PGBD2: variants seen among roughly 807,000 people sequenced by gnomAD.
The protein encoded by PGBD2 is piggyBac transposable element derived 2.
In PGBD2, 6 loss-of-function variants were observed where a neutral mutation model predicts 8.1. The ratio of observed to expected loss-of-function variants is 0.74; its 90% CI spans 0.40 to 1.46. PGBD2 has a LOEUF of 1.46. PGBD2 is among the 40% of genes most tolerant of loss of function. The pLI, the probability that PGBD2 is intolerant of heterozygous loss-of-function variation, is 0.02. For synonymous variants in PGBD2, 318 were observed against 272.2 expected, an observed-to-expected ratio of 1.17 and a Z score of -1.66; for missense variants, 802 against 739.0, an observed-to-expected ratio of 1.09 and a Z score of -0.99.
chr1:248,896,520 C>T, the PGBD2 span, among the ~76,000 whole-genome samples: 3 of 152,118 alleles, frequency 2.0e-5, no homozygotes, highest in African/African-American at 4.8e-5. Context: ...TCACAGCTCA[C>T]GGCAGCCTCA....
chr1:248,899,555 G>C, the PGBD2 span, among the ~76,000 whole-genome samples: 5 of 152,172 alleles, frequency 3.3e-5, no homozygotes, highest in South Asian at 1.0e-3. Flanking sequence ...AGAACAAAGA[G>C]ACAACACACC....
chr1:248,929,123 A>T, the PGBD2 span, among the ~76,000 whole-genome samples: 1 of 152,144 alleles, frequency 6.6e-6, no homozygotes, highest in Non-Finnish European at 1.5e-5. Flanking sequence ...TATAAGGGAG[A>T]AATGTTTAAA....
intron 1 of PGBD2, among the ~76,000 whole-genome samples, chr1:248,910,750 C>A (rs1351278140): frequency 6.6e-6 from 1 of 152,152 alleles, no homozygotes; most frequent in African/African-American, 2.4e-5. Context: ...ACTGAAAGCC[C>A]ATGGGGACTC....
At chr1:248,882,341 A>T in the PGBD2 span, among the ~76,000 whole-genome samples, 1 of 152,228 alleles carries the variant, frequency 6.6e-6, no homozygotes, top group Non-Finnish European at 1.5e-5. Flanking sequence ...CTGTATGCAG[A>T]AGTACAGTAT....
chr1:248,924,858 C>A (rs1303209787), downstream of PGBD2, among the ~76,000 whole-genome samples: 1 of 152,182 alleles, frequency 6.6e-6, no homozygotes, highest in Non-Finnish European at 1.5e-5. Context: ...GTCTGTTTTT[C>A]TTACCACTCA....
At position 248,916,821 on chromosome 1, in the gene PGBD2, C is replaced by G. The variant is rs771173614; in HGVS notation, c.237C>G (p.Val79=). 3.1e-6 allele frequency: 5 copies of G among 1,614,134 alleles called. No homozygotes were observed. In the South Asian group the frequency reaches 4.4e-5, roughly 14 times the overall value. The change falls in exon 3 of 3, where the codon GTC becomes GTG. Residue 79 remains valine, a synonymous_variant. Coordinates refer to ENST00000329291, the MANE Select transcript of PGBD2 (RefSeq NM_170725.3). The part of the protein sequence containing the change: ...HLPGSVLHAS[V]LCEDSGTGED... ...CTGGCAGTGTGCTGCATGCTTCAGT[C>G]CTGTGTGAGGACTCTGGCACCGGGG...
chr1:248,895,407 G>A, the PGBD2 span, among the ~76,000 whole-genome samples: 1 of 152,156 alleles, frequency 6.6e-6, no homozygotes, highest in Non-Finnish European at 1.5e-5. Context: ...TGAGTAGCAA[G>A]GGTTCTGCTG....
At chr1:248,877,391 G>T in the PGBD2 span, among the ~76,000 whole-genome samples, 1 of 152,190 alleles carries the variant, frequency 6.6e-6, no homozygotes, top group Non-Finnish European at 1.5e-5. Flanking sequence ...TGACCTCTGA[G>T]GCTCAAGTGA....
In PGBD2 at chr1:248,917,145, T is replaced by C. The variant is rs925198325; in HGVS notation, c.561T>C (p.Ile187=). Residue 187 remains isoleucine, a synonymous_variant, in exon 3 of 3, where the codon ATT becomes ATC. Coordinates refer to ENST00000329291, the MANE Select transcript of PGBD2 (RefSeq NM_170725.3). The part of the protein sequence containing the change: ...QELKCVLGIL[I]LSGYISYPRR... Reference sequence around the variant, plus strand: ...TGAAGTGTGTTTTGGGCATTTTGATTTTAAGTGGGTACATCTCTTATCCAA... The same window carrying C: ...TGAAGTGTGTTTTGGGCATTTTGATCTTAAGTGGGTACATCTCTTATCCAA... 17 of 1,613,986 alleles carry C rather than the reference T, an allele frequency of 1.1e-5. No individual in the cohort carries two copies. Among genetic ancestry groups the C allele is most frequent in the Non-Finnish European group, 1.4e-5 (16 of 1,180,030 alleles).
the PGBD2 span, among the ~76,000 whole-genome samples, chr1:248,886,290 C>T: frequency 6.6e-6 from 1 of 152,094 alleles, no homozygotes; most frequent in African/African-American, 2.4e-5. Flanking sequence ...CTTGAGTGTA[C>T]ATTATTCATA....
At chr1:248,876,396 A>G in the PGBD2 span, among the ~76,000 whole-genome samples, 1 of 152,150 alleles carries the variant, frequency 6.6e-6, no homozygotes, top group Non-Finnish European at 1.5e-5. Flanking sequence ...CAGGTTCTCA[A>G]TACTTTAGGT....
intron 1 of PGBD2, among the ~76,000 whole-genome samples, chr1:248,911,624 G>A (rs377081690): frequency 0.016 from 2,381 of 145,958 alleles, 94 homozygotes; most frequent in East Asian, 0.12. Flanking sequence ...TTCTCAATGA[G>A]CTGTTGGGCA....
At chr1:248,889,007 A>G in the PGBD2 span, among the ~76,000 whole-genome samples, 33,074 of 152,138 alleles carry the variant, frequency 0.22, 8,663 homozygotes, top group African/African-American at 0.63. Flanking sequence ...TTTCCCATAA[A>G]CACTGGCTTT....
At chr1:248,908,842 C>A (rs979986416) in intron 1 of PGBD2, among the ~76,000 whole-genome samples, 1 of 152,032 alleles carries the variant, frequency 6.6e-6, no homozygotes, top group African/African-American at 2.4e-5. Flanking sequence ...GTGCCTTTTG[C>A]CTGGGGTGCT....
the PGBD2 span, among the ~76,000 whole-genome samples, chr1:248,873,854 T>G: frequency 6.6e-6 from 1 of 152,140 alleles, no homozygotes; most frequent in African/African-American, 2.4e-5. Context: ...TGCTTCCGAG[T>G]GTCAGGATGG....
At chr1:248,914,292 T>C (rs956470849) in intron 2 of PGBD2, 2 of 609,984 alleles carry the variant, frequency 3.3e-6, no homozygotes, top group Non-Finnish European at 4.1e-6. Flanking sequence ...ACCTGGAGCT[T>C]GCAGCCTTGG....
At chr1:248,922,446 A>G (rs1662305558), downstream of PGBD2, among the ~76,000 whole-genome samples, 1 of 152,102 alleles carries the variant, frequency 6.6e-6, no homozygotes. Context: ...AATACCCTTT[A>G]TTTCTTTCTC....
rs146430689 is a variant in PGBD2, at chr1:248,918,527, G to A, written c.*164G>A. 1.5e-3 allele frequency: 810 copies of A among 525,204 alleles called. 9 individuals are homozygous for A. The highest frequency in any genetic ancestry group is 0.014 in the African/African-American group (717 of 50,910). The allele number at this position is 525,204 out of a possible 1,614,324, so 32.5% of individuals were successfully genotyped here. A position where few individuals can be genotyped will look rare whatever the true frequency, so the allele number is the denominator to read the frequency against. On this transcript the variant is annotated 3_prime_UTR_variant, in exon 3 of 3. Transcript: ENST00000329291. ...ATACAGTTATCTTTTTTATTGTGTT[G>A]TGTTATGCCTACATGTGATATAAAT...
chr1:248,915,292 A>T (rs1036978242), intron 2 of PGBD2, among the ~76,000 whole-genome samples: 1 of 152,212 alleles, frequency 6.6e-6, no homozygotes, highest in African/African-American at 2.4e-5. Context: ...AGAGTCTCCC[A>T]CTTAGCGTGG....
Sources: allele counts gnomAD v4.1 joint callset (sites outside exome capture counted in the v4.1 genomes callset), GRCh38; gene constraint gnomAD v4.1.1; transcripts MANE v1.5; gene names NCBI Gene and HGNC (gene_info 2026-07-23, HGNC 2026-07-21).